Variants in APAF1 observed in about 807,000 individuals in gnomAD.
APAF1 encodes apoptotic peptidase activating factor 1.
A neutral mutation model predicts 152.4 loss-of-function variants in APAF1; 91 were observed. That is an observed-to-expected ratio of 0.60 (90% CI 0.50 to 0.71). APAF1 has a LOEUF of 0.71. Ranked by LOEUF, APAF1 falls within the 30% of genes least tolerant of loss-of-function variation. The pLI is 0.00. For missense variants in APAF1, 1,283 were observed against 1,472.0 expected (o/e 0.87, Z 2.10); for synonymous variants, 484 against 494.1 (o/e 0.98, Z 0.27).
At chr12:98,660,965 G>A (rs2097664317) in intron 5 of APAF1, among the ~76,000 whole-genome samples, 1 of 152,050 alleles carries the variant, frequency 6.6e-6, no homozygotes, top group Non-Finnish European at 1.5e-5. Context: ...TTTTTATGGT[G>A]CAATCTCTGC....
chr12:98,682,730 G>A (rs2097693723), intron 14 of APAF1, among the ~76,000 whole-genome samples: 1 of 152,196 alleles, frequency 6.6e-6, no homozygotes, highest in African/African-American at 2.4e-5. Flanking sequence ...GAACTGAGAT[G>A]CAGGTAAGTT....
At chr12:98,701,791 C>A (rs1464025822) in intron 17 of APAF1, among the ~76,000 whole-genome samples, 1 of 151,794 alleles carries the variant, frequency 6.6e-6, no homozygotes, top group Non-Finnish European at 1.5e-5. Context: ...ACCCTTTGGT[C>A]TCTCCTTCCT....
chr12:98,652,056 T>TC (rs1365293716), intron 4 of APAF1, among the ~76,000 whole-genome samples: 1 of 152,110 alleles, frequency 6.6e-6, no homozygotes, highest in Non-Finnish European at 1.5e-5. Flanking sequence ...CTCAAGCAAT[T>TC]CACCCACCTT....
chr12:98,729,093 G>A (rs2153345625), intron 26 of APAF1, among the ~76,000 whole-genome samples: 1 of 152,358 alleles, frequency 6.6e-6, no homozygotes, highest in East Asian at 1.9e-4. Flanking sequence ...ATGCTTTCAT[G>A]AGGGAGGTGG....
At chr12:98,664,898 A>C (rs1321285900) in intron 7 of APAF1, among the ~76,000 whole-genome samples, 2 of 152,046 alleles carry the variant, frequency 1.3e-5, no homozygotes, top group Non-Finnish European at 2.9e-5. Flanking sequence ...TTTTGAAAAA[A>C]ATTTACCAGT....
chr12:98,648,098 C>T (rs945867858), intron 1 of APAF1, among the ~76,000 whole-genome samples: 16 of 152,144 alleles, frequency 1.1e-4, no homozygotes, highest in African/African-American at 3.6e-4. Flanking sequence ...TATCTTACTG[C>T]TTTCCAGAAA....
At chr12:98,663,831 G>C (rs1275994003) in intron 7 of APAF1, among the ~76,000 whole-genome samples, 1 of 151,706 alleles carries the variant, frequency 6.6e-6, no homozygotes, top group South Asian at 2.1e-4. Context: ...GCTAATTTTT[G>C]TATTTTCAGT....
At chr12:98,727,408 T>C (rs998212234) in intron 26 of APAF1, 92 bp downstream of exon 26, 13 of 1,451,596 alleles carry the variant, frequency 9.0e-6, no homozygotes, top group Non-Finnish European at 1.2e-5. Context: ...TTGGGCCTTT[T>C]ACAACCCAGC....
At chr12:98,706,390 T>A in intron 18 of APAF1, 95 bp from the exon 19 acceptor site, 2 of 1,153,080 alleles carry the variant, frequency 1.7e-6, no homozygotes, top group Non-Finnish European at 2.6e-6. Context: ...TTCATTGAAG[T>A]GGTATTGCTG....
rs200776393 is a variant in APAF1, at chr12:98,671,515, A to G, written c.1609-20A>G. On this transcript the variant is annotated intron_variant, in intron 11 of 26. Coordinates refer to ENST00000551964, the MANE Select transcript of APAF1 (RefSeq NM_181861.2). Reference sequence around the variant, plus strand: ...TCGTGGCTCTGATTGTGTTTCTAAGAGATTTCAGTTTATTTGTAGGATTGT... The same window carrying G: ...TCGTGGCTCTGATTGTGTTTCTAAGGGATTTCAGTTTATTTGTAGGATTGT... 6.2e-7 allele frequency: 1 copy of G among 1,610,622 alleles called. No individual in the cohort carries two copies. Among genetic ancestry groups the G allele is most frequent in the South Asian group, 1.1e-5 (1 of 91,002 alleles).
At chr12:98,711,531 A>T (rs943463977) in intron 20 of APAF1, among the ~76,000 whole-genome samples, 1 of 152,164 alleles carries the variant, frequency 6.6e-6, no homozygotes, top group African/African-American at 2.4e-5. Context: ...ACTACCTGTG[A>T]TTGGTTGACT....
At chr12:98,722,211 C>G (rs1048604695) in intron 22 of APAF1, among the ~76,000 whole-genome samples, 1 of 152,224 alleles carries the variant, frequency 6.6e-6, no homozygotes, top group African/African-American at 2.4e-5. Flanking sequence ...AAACCCATTC[C>G]TCAAGCCTAC....
At chr12:98,665,255 C>CATATATATATATATATATATATATATAT (rs35804742) in intron 7 of APAF1, among the ~76,000 whole-genome samples, 112 of 97,808 alleles carry the variant, frequency 1.1e-3, no homozygotes, top group Non-Finnish European at 2.0e-3. Context: ...TAGACTGGCG[C>CATATATATATATATATATATATATATAT]ATATATATAT....
intron 14 of APAF1, among the ~76,000 whole-genome samples, chr12:98,680,918 A>G (rs2097691569): frequency 6.6e-6 from 1 of 152,216 alleles, no homozygotes; most frequent in Admixed American, 6.5e-5. Flanking sequence ...TCCTGTTGTA[A>G]GATACAATTT....
intron 4 of APAF1, among the ~76,000 whole-genome samples, chr12:98,658,214 G>A (rs2097660291): frequency 6.6e-6 from 1 of 152,072 alleles, no homozygotes; most frequent in Admixed American, 6.6e-5. Context: ...AGGTGATTAA[G>A]TATAGTCTAT....
chr12:98,660,798 C>T (rs2097664090), intron 5 of APAF1, among the ~76,000 whole-genome samples: 1 of 152,050 alleles, frequency 6.6e-6, no homozygotes, highest in Non-Finnish European at 1.5e-5. Flanking sequence ...TTAAAAATGC[C>T]CTAATGCACC....
chr12:98,680,513 C>A, intron 14 of APAF1, 111 bp downstream of exon 14: 1 of 1,030,850 alleles, frequency 9.7e-7, no homozygotes, highest in Non-Finnish European at 1.4e-6. Context: ...TGTTGATCTA[C>A]TAACCTGATT....
chr12:98,711,620 C>T lies in APAF1; in HGVS notation c.2842-699C>T, dbSNP rs145707116. ...AATTCAAGAATTTTAGTTTATGACACTAAGAGAGAGGTATCTGACAACTGA... is the reference window on the plus strand; with the variant it reads ...AATTCAAGAATTTTAGTTTATGACATTAAGAGAGAGGTATCTGACAACTGA... On this transcript the variant is annotated intron_variant, in intron 20 of 26. Transcript: ENST00000551964. Among the ~76,000 whole-genome samples, 622 of 152,258 alleles carry T rather than the reference C, an allele frequency of 4.1e-3. 2 individuals carry two copies. The highest frequency in any genetic ancestry group is 5.2e-3 in the Non-Finnish European group (354 of 68,016).
At position 98,703,499 on chromosome 12, in the gene APAF1, G is replaced by A. The variant is rs1480823721; in HGVS notation, c.2595G>A (p.Glu865=). The change falls in exon 18 of 27, where the codon GAG becomes GAA. Residue 865 remains glutamate, a splice_region_variant and synonymous_variant. Coordinates refer to ENST00000551964, the MANE Select transcript of APAF1 (RefSeq NM_181861.2). ...AVVALSQYCV[E]LWNTDSRSKV... ...TTGCTTTGTCCCAGTACTGTGTAGA[G>A]GTGAGTAGTTGAATTTATTCTGTGA... The A allele has an allele frequency of 6.2e-7, 1 of 1,614,036 alleles. No homozygotes were observed. The highest frequency in any genetic ancestry group is 1.7e-5 in the Admixed American group (1 of 60,020).
Sources: allele counts gnomAD v4.1 joint callset (sites outside exome capture counted in the v4.1 genomes callset), GRCh38; gene constraint gnomAD v4.1.1; transcripts MANE v1.5; gene names NCBI Gene and HGNC (gene_info 2026-07-23, HGNC 2026-07-21).